ARHGEF7: variants seen among roughly 807,000 people sequenced by gnomAD.
ARHGEF7 encodes Rho guanine nucleotide exchange factor 7.
In ARHGEF7, 33 loss-of-function variants were observed where a neutral mutation model predicts 109.8. The observed-to-expected ratio is 0.30, with a 90% CI of 0.23 to 0.40. The LOEUF (loss-of-function observed/expected upper bound fraction) is 0.40. Among genes scored for constraint, ARHGEF7 ranks in the 10% least tolerant of loss-of-function variants. The probability of loss-of-function intolerance (pLI) is 1.00; values close to 1 mark genes in which losing one functional copy is unlikely to be tolerated. For synonymous variants in ARHGEF7, 458 were observed against 424.6 expected (o/e 1.08, Z -0.97); for missense variants, 938 against 1,098.5 (o/e 0.85, Z 2.07).
chr13:111,263,500 G>C (rs573655246), intron 8 of ARHGEF7, among the ~76,000 whole-genome samples: 7 of 152,344 alleles, frequency 4.6e-5, no homozygotes, highest in Admixed American at 2.0e-4. Flanking sequence ...GACCAGGTAG[G>C]AGATGAAATC....
At chr13:111,297,246 A>C (rs1036141913) in intron 19 of ARHGEF7, among the ~76,000 whole-genome samples, 2 of 152,244 alleles carry the variant, frequency 1.3e-5, no homozygotes, top group Non-Finnish European at 2.9e-5. Context: ...AGAATTGCAT[A>C]ATTTCTAGGC....
chr13:111,268,272 T>C (rs1369334083), intron 9 of ARHGEF7, among the ~76,000 whole-genome samples: 2 of 152,168 alleles, frequency 1.3e-5, no homozygotes, highest in East Asian at 1.9e-4. Flanking sequence ...TGTTTGAGGA[T>C]TGGCTTGGAG....
At chr13:111,179,863 C>T (rs1443908190) in intron 2 of ARHGEF7, among the ~76,000 whole-genome samples, 1 of 152,206 alleles carries the variant, frequency 6.6e-6, no homozygotes, top group Non-Finnish European at 1.5e-5. Context: ...CTGTACTTCC[C>T]ATTGGGTCCC....
At chr13:111,221,729 C>G (rs2084430646) in intron 5 of ARHGEF7, among the ~76,000 whole-genome samples, 1 of 148,052 alleles carries the variant, frequency 6.8e-6, no homozygotes. Flanking sequence ...ATATATACAG[C>G]TAATAGGAGA....
chr13:111,274,860 A>T lies in ARHGEF7; in HGVS notation c.1272+70A>T, dbSNP rs1406920041. 2.4e-5 allele frequency: 26 copies of T among 1,092,646 alleles called. No individual in the cohort carries two copies. The Admixed American group carries it at 7.5e-4, about 32-fold the overall frequency. 67.7% of individuals were successfully genotyped at this position (1,092,646 alleles called of 1,614,324 possible). Reference sequence around the variant, plus strand: ...ACAAATGAATGTAAAAGAATTATCAACTGAAAAAGTCAAATGATTAAAAAA... The same window carrying T: ...ACAAATGAATGTAAAAGAATTATCATCTGAAAAAGTCAAATGATTAAAAAA... On this transcript the variant is annotated intron_variant, in intron 11 of 21. Transcript: ENST00000646102.
At chr13:111,116,464 G>A (rs1181076562) in intron 1 of ARHGEF7, 1 of 152,078 alleles carries the variant, frequency 6.6e-6, no homozygotes, top group Non-Finnish European at 1.5e-5. Flanking sequence ...TCGCCCACAA[G>A]CCGGCCAGCA....
Position 111,292,233 on chromosome 13 carries a change from G to A in ARHGEF7, c.2250G>A (p.Ser750=), listed in dbSNP as rs770256006. 5 of 1,614,038 alleles carry A rather than the reference G, an allele frequency of 3.1e-6. No homozygotes were observed. Among genetic ancestry groups the A allele is most frequent in the South Asian group, 2.2e-5 (2 of 91,092 alleles). ...CTCGTTTGGAGCCTTCAGACCTCTC[G>A]GAAGACTCTGACTATGACAGTATAT... ...SLSRLEPSDL[S]EDSDYDSIWT... Residue 750 remains serine, a synonymous_variant, in exon 19 of 22, where the codon TCG becomes TCA. Coordinates refer to ENST00000646102, the MANE Select transcript of ARHGEF7 (RefSeq NM_001354046.2).
intron 1 of ARHGEF7, among the ~76,000 whole-genome samples, chr13:111,149,402 T>G (rs933178980): frequency 1.3e-5 from 2 of 152,232 alleles, no homozygotes; most frequent in Non-Finnish European, 2.9e-5. Flanking sequence ...ATCATAGCAA[T>G]TAGATTCTTA....
intron 2 of ARHGEF7, among the ~76,000 whole-genome samples, chr13:111,184,371 A>G (rs940708192): frequency 6.6e-6 from 1 of 152,198 alleles, no homozygotes; most frequent in African/African-American, 2.4e-5. Flanking sequence ...TTTTTGACCT[A>G]CTAGGCTGCC....
At chr13:111,295,934 G>A (rs1191355951) in intron 19 of ARHGEF7, among the ~76,000 whole-genome samples, 1 of 152,228 alleles carries the variant, frequency 6.6e-6, no homozygotes, top group East Asian at 1.9e-4. Context: ...CTCTTCTGAT[G>A]AACTTACCCT....
chr13:111,128,238 GCC>G (rs2067709588), intron 1 of ARHGEF7, among the ~76,000 whole-genome samples: 1 of 152,196 alleles, frequency 6.6e-6, no homozygotes, highest in Non-Finnish European at 1.5e-5. Context: ...AGAAACCAAA[GCC>G]ATCTAGATTG....
intron 6 of ARHGEF7, among the ~76,000 whole-genome samples, chr13:111,234,273 C>G (rs184393821): frequency 7.2e-5 from 11 of 152,284 alleles, no homozygotes; most frequent in Admixed American, 1.3e-4. Flanking sequence ...GCAATGGAGT[C>G]TGAGCAGCTC....
chr13:111,208,002 C>T (rs1382443967), intron 3 of ARHGEF7, among the ~76,000 whole-genome samples: 1 of 152,050 alleles, frequency 6.6e-6, no homozygotes, highest in Non-Finnish European at 1.5e-5. Flanking sequence ...TTCTGTTTGC[C>T]CTTTGTTTTT....
At chr13:111,137,041 C>T (rs2075120934) in intron 1 of ARHGEF7, among the ~76,000 whole-genome samples, 1 of 152,138 alleles carries the variant, frequency 6.6e-6, no homozygotes, top group Admixed American at 6.5e-5. Flanking sequence ...AAAGACTAAA[C>T]CAGGAAGGAA....
At chr13:111,231,193 C>T (rs961187665) in intron 5 of ARHGEF7, among the ~76,000 whole-genome samples, 1 of 152,170 alleles carries the variant, frequency 6.6e-6, no homozygotes, top group Non-Finnish European at 1.5e-5. Flanking sequence ...TTGTAGATTT[C>T]AAAGATGAAA....
intron 3 of ARHGEF7, among the ~76,000 whole-genome samples, chr13:111,206,725 GC>G (rs1566818494): frequency 6.6e-6 from 1 of 152,086 alleles, no homozygotes; most frequent in East Asian, 1.9e-4. Context: ...ACTTTGGGAG[GC>G]CGAGGCGGGC....
chr13:111,143,627 G>A (rs1594983277), intron 1 of ARHGEF7: 1 of 152,136 alleles, frequency 6.6e-6, no homozygotes, highest in Non-Finnish European at 1.5e-5. Context: ...AACAATCTTC[G>A]ACCACCAGAC....
chr13:111,276,058 C>T (rs1339293668), intron 12 of ARHGEF7: 1 of 221,348 alleles, frequency 4.5e-6, no homozygotes, highest in African/African-American at 2.2e-5. Context: ...GCTCTCAATG[C>T]TTTCGGGTCA....
At chr13:111,280,726 C>T (rs377007369) in intron 15 of ARHGEF7, 49 bp downstream of exon 15, 15 of 1,434,064 alleles carry the variant, frequency 1.0e-5, no homozygotes, top group Middle Eastern at 2.1e-4. Context: ...CGTGGCATCC[C>T]GTGGCTGAGC....
Sources: allele counts gnomAD v4.1 joint callset (sites outside exome capture counted in the v4.1 genomes callset), GRCh38; gene constraint gnomAD v4.1.1; transcripts MANE v1.5; gene names NCBI Gene and HGNC (gene_info 2026-07-23, HGNC 2026-07-21).